VPS13C: variants seen among roughly 807,000 people sequenced by gnomAD.
VPS13C encodes the protein intermembrane lipid transfer protein VPS13C.
A neutral mutation model predicts 456.8 loss-of-function variants in VPS13C; 358 were observed. That is an observed-to-expected ratio of 0.78 (90% confidence interval 0.72 to 0.86). The LOEUF is 0.86. Ranked by LOEUF, VPS13C falls within the 40% of genes least tolerant of loss-of-function variation. VPS13C has a pLI of 0.00. For synonymous variants in VPS13C, 1,578 were observed against 1,486.7 expected, an observed-to-expected ratio of 1.06 and a Z score of -1.41; for missense variants, 4,818 against 4,385.4, an observed-to-expected ratio of 1.10 and a Z score of -2.79.
At chr15:62,060,253 C>G in intron 1 of VPS13C, 22 bp downstream of exon 1, 1 of 1,524,986 alleles carries the variant, frequency 6.6e-7, no homozygotes, top group Non-Finnish European at 9.0e-7. Context: ...CCGCAGCCCA[C>G]TGGCCGCGCC....
Position 61,867,880 on chromosome 15 carries a change from T to C in VPS13C, c.10863+779A>G. 1 of 1,600,300 alleles carries C rather than the reference T, an allele frequency of 6.2e-7. No homozygotes were observed. Among genetic ancestry groups the C allele is most frequent in the Admixed American group, 1.7e-5 (1 of 57,688 alleles). ...CACAGTCAATTAACACCACAGTTTG[T>C]TTTGATTTTTAAGGATGAAATCAAG... On this transcript the variant is annotated intron_variant, in intron 81 of 84. Coordinates refer to ENST00000644861, the MANE Select transcript of VPS13C (RefSeq NM_020821.3). This position sits in a 1 kb window ranked among gnomAD's most constrained non-coding sequence, Gnocchi z 5.0.
chr15:61,884,191 T>A lies in VPS13C; in HGVS notation c.9420A>T (p.Gln3140His), dbSNP rs1305251499. 1.2e-6 allele frequency: 2 copies of A among 1,610,660 alleles called. No homozygotes were observed. The highest frequency in any genetic ancestry group is 2.7e-5 in the African/African-American group (2 of 74,764). The change falls in exon 68 of 85, where the codon CAA becomes CAT. Residue 3140 changes from glutamine (Q) to histidine (H), a missense_variant. By Grantham distance (24) the Gln-to-His change is conservative (BLOSUM62 0). Coordinates refer to ENST00000644861, the MANE Select transcript of VPS13C (RefSeq NM_020821.3). ...TTGATATTTGATGTTTCTGATAGGA[T>A]TGTTCCAATAAGATTATCTGCTTTT... is the stretch of plus-strand genomic sequence containing the variant. ...FSQKQIILLE[Q>H]SYQKHQISRD... is the part of the protein sequence containing the mutation.
At chr15:61,906,532 T>C (rs1039560220) in intron 66 of VPS13C, 1 of 152,258 alleles carries the variant, frequency 6.6e-6, no homozygotes, top group African/African-American at 2.4e-5. Context: ...AGAGAAGAAA[T>C]GAGGATAATT....
chr15:61,997,612 C>A (rs533636189), intron 16 of VPS13C, among the ~76,000 whole-genome samples: 1 of 152,268 alleles, frequency 6.6e-6, no homozygotes, highest in African/African-American at 2.4e-5. Context: ...TATTTGATAG[C>A]AAATCCATCC....
intron 48 of VPS13C, 50 bp downstream of exon 48, chr15:61,936,547 G>A (rs766557788): frequency 6.8e-7 from 1 of 1,464,732 alleles, no homozygotes; most frequent in Non-Finnish European, 9.1e-7. Context: ...ATATAAATAT[G>A]ACATTAACAC....
At chr15:62,002,885 A>G (rs372971935) in intron 15 of VPS13C, among the ~76,000 whole-genome samples, 4 of 151,962 alleles carry the variant, frequency 2.6e-5, no homozygotes, top group African/African-American at 9.7e-5. Context: ...CTATATCTCT[A>G]TTTTGGTACC....
At chr15:62,042,928 T>C (rs1397151448) in intron 2 of VPS13C, among the ~76,000 whole-genome samples, 1 of 150,314 alleles carries the variant, frequency 6.7e-6, no homozygotes, top group East Asian at 1.9e-4. Flanking sequence ...AAAATATATA[T>C]ATATAAAAAT....
chr15:61,899,301 TAATG>T (rs1436635489), intron 66 of VPS13C, among the ~76,000 whole-genome samples: 1 of 123,798 alleles, frequency 8.1e-6, no homozygotes, highest in African/African-American at 3.1e-5. Flanking sequence ...TTCAAAAAAT[TAATG>T]AATCCAGGAG....
Position 62,013,085 on chromosome 15 carries a change from T to C in VPS13C, c.779A>G (p.Asn260Ser). ...CTGGTAAGACATGCTGCAATTTACATTCCAGTAGGCGCTAAGACTATCAAG... is the reference window on the plus strand; with the variant it reads ...CTGGTAAGACATGCTGCAATTTACACTCCAGTAGGCGCTAAGACTATCAAG... ...IRLDSLSAYW[N>S]VNCSMSYQRS... The change falls in exon 11 of 85, where the codon AAT (asparagine) becomes AGT (serine). Residue 260 changes from asparagine (N) to serine (S), a missense_variant. Transcript: ENST00000644861. 3 of 1,611,062 alleles carry C rather than the reference T, an allele frequency of 1.9e-6. No homozygotes were observed. Among genetic ancestry groups the C allele is most frequent in the Non-Finnish European group, 2.5e-6 (3 of 1,178,362 alleles).
intron 12 of VPS13C, 41 bp from the exon 13 acceptor site, chr15:62,010,640 T>G (rs1394670721): frequency 1.3e-6 from 2 of 1,525,300 alleles, no homozygotes; most frequent in Non-Finnish European, 1.8e-6. Context: ...TTCATATGCT[T>G]TTACATATAA....
At chr15:61,963,573 A>T (rs967509494) in intron 32 of VPS13C, among the ~76,000 whole-genome samples, 3 of 152,106 alleles carry the variant, frequency 2.0e-5, no homozygotes, top group African/African-American at 7.2e-5. Context: ...GCATTCCTAC[A>T]TTGACATCAG....
intron 1 of VPS13C, among the ~76,000 whole-genome samples, chr15:62,056,822 GCTAT>G (rs915896600): frequency 7.9e-5 from 12 of 152,324 alleles, no homozygotes; most frequent in African/African-American, 2.9e-4. Flanking sequence ...AACGGCATAA[GCTAT>G]CTTTCTCTCT....
At chr15:61,951,089 C>G (rs2044774997) in intron 39 of VPS13C, 65 bp from the exon 40 acceptor site, 13 of 1,028,192 alleles carry the variant, frequency 1.3e-5, no homozygotes, top group Non-Finnish European at 1.7e-5. Context: ...AAAACAGGAC[C>G]AGCCAAATGT....
chr15:62,048,199 C>A (rs1267227554), intron 1 of VPS13C, among the ~76,000 whole-genome samples: 1 of 150,408 alleles, frequency 6.6e-6, no homozygotes, highest in Non-Finnish European at 1.5e-5. Flanking sequence ...TGGTGTGCTG[C>A]ACCCATTAAC....
intron 5 of VPS13C, 82 bp downstream of exon 5, chr15:62,033,358 CT>C: frequency 1.2e-6 from 1 of 816,660 alleles, no homozygotes; most frequent in Non-Finnish European, 1.7e-6. Flanking sequence ...CTTATGAAGG[CT>C]TACAAAAGCA....
intron 28 of VPS13C, among the ~76,000 whole-genome samples, chr15:61,969,076 A>T (rs1389105898): frequency 6.6e-6 from 1 of 152,144 alleles, no homozygotes; most frequent in Non-Finnish European, 1.5e-5. Context: ...AAATTATATT[A>T]ATACAATCAG....
intron 82 of VPS13C, among the ~76,000 whole-genome samples, chr15:61,857,605 T>C (rs1162376169): frequency 6.6e-6 from 1 of 152,194 alleles, no homozygotes; most frequent in Non-Finnish European, 1.5e-5. Flanking sequence ...AATGACGTGA[T>C]AATGTTCTTT....
At chr15:61,953,494 G>C (rs1057130790) in intron 38 of VPS13C, among the ~76,000 whole-genome samples, 4 of 150,226 alleles carry the variant, frequency 2.7e-5, no homozygotes, top group Non-Finnish European at 5.9e-5. Context: ...GTGGTGTTTG[G>C]TTTTTTGTTC....
chr15:61,993,143 T>C (rs530185805), intron 16 of VPS13C, among the ~76,000 whole-genome samples: 4 of 152,278 alleles, frequency 2.6e-5, no homozygotes, highest in Admixed American at 6.5e-5. Flanking sequence ...CTCTCTTAGA[T>C]ACTGAGACTT....
Sources: allele counts gnomAD v4.1 joint callset (sites outside exome capture counted in the v4.1 genomes callset), GRCh38; gene constraint gnomAD v4.1.1; non-coding constraint Gnocchi (gnomAD v3.1); transcripts MANE v1.5; gene names NCBI Gene and HGNC (gene_info 2026-07-23, HGNC 2026-07-21).